ANKRD31: variants seen among roughly 807,000 people sequenced by gnomAD.
ANKRD31 encodes ankyrin repeat domain 31.
Under a neutral mutation model 186.0 loss-of-function variants are expected in ANKRD31, and 147 were observed. The observed-to-expected ratio is 0.79, with a 90% CI of 0.69 to 0.91. The LOEUF is 0.91. Ranked by LOEUF, ANKRD31 falls within the 40% of genes least tolerant of loss-of-function variation. The pLI is 0.00. For missense variants in ANKRD31, 1,986 were observed against 2,148.8 expected (o/e 0.92, Z 1.50); for synonymous variants, 673 against 736.4 (o/e 0.91, Z 1.39).
chr5:75,180,970 T>C (rs933596470), intron 10 of ANKRD31, among the ~76,000 whole-genome samples: 16 of 151,672 alleles, frequency 1.1e-4, no homozygotes, highest in Non-Finnish European at 1.8e-4. Context: ...AGAAAATTTT[T>C]GCAACCTACT....
Position 75,197,296 on chromosome 5 carries a change from T to G in ANKRD31, c.448-1096A>C, listed in dbSNP as rs568674157. 1.1e-4 allele frequency among the ~76,000 whole-genome samples: 17 copies of G among 152,352 alleles called. No individual in the cohort carries two copies. In the East Asian group the frequency reaches 3.1e-3, roughly 28 times the overall value. On this transcript the variant is annotated intron_variant, in intron 6 of 25. Coordinates refer to ENST00000506364, the MANE Select transcript of ANKRD31 (RefSeq NM_001372053.1). ...TAAGCCATTCAAGAAAATAATGTGC[T>G]TTAAAGGCACTGAAAAATTTTCAAA...
chr5:75,101,001 G>T (rs974826724), intron 22 of ANKRD31, among the ~76,000 whole-genome samples: 1 of 152,184 alleles, frequency 6.6e-6, no homozygotes, highest in Non-Finnish European at 1.5e-5. Flanking sequence ...GTTAGTTGAT[G>T]CAGTTTTTTC....
At chr5:75,104,157 T>A in intron 22 of ANKRD31, 71 bp downstream of exon 22, 2 of 1,287,476 alleles carry the variant, frequency 1.6e-6, no homozygotes, top group Non-Finnish European at 2.1e-6. Flanking sequence ...AATGTCTATA[T>A]TATGTGACAG....
chr5:75,189,527 CA>C (rs1016721552), intron 9 of ANKRD31, among the ~76,000 whole-genome samples: 5 of 152,180 alleles, frequency 3.3e-5, no homozygotes, highest in Admixed American at 2.6e-4. Flanking sequence ...CACTGTATAA[CA>C]AACCCAACTG....
intron 17 of ANKRD31, among the ~76,000 whole-genome samples, chr5:75,125,334 A>C (rs904068439): frequency 2.6e-5 from 4 of 152,176 alleles, no homozygotes; most frequent in Non-Finnish European, 5.9e-5. Context: ...TGAAGATTTT[A>C]TTTATCTGTT....
rs1361226119 is a variant in ANKRD31 at position 75,147,112 on chromosome 5, G to A, written c.2299C>T (p.Gln767Ter). ...RRINRLVTYQ[Q>*]HIPETHNDLP... ...TCATTATGAGTTTCTGGAATATGCTGCTGATAGGTAACCAATCTGTTTATT... is the reference window on the plus strand; with the variant it reads ...TCATTATGAGTTTCTGGAATATGCTACTGATAGGTAACCAATCTGTTTATT... Residue 767 changes from glutamine (Q) to a stop codon, truncating the protein, a stop_gained, in exon 14 of 26, where the codon CAG becomes TAG. Transcript: ENST00000506364. LOFTEE classifies it high-confidence loss of function. 6.5e-7 allele frequency: 1 copy of A among 1,536,334 alleles called. No homozygotes were observed. Among genetic ancestry groups the A allele is most frequent in the East Asian group, 2.4e-5 (1 of 40,880 alleles).
intron 3 of ANKRD31, among the ~76,000 whole-genome samples, chr5:75,212,082 G>A (rs1756685897): frequency 6.6e-6 from 1 of 152,044 alleles, no homozygotes; most frequent in Non-Finnish European, 1.5e-5. Context: ...CTTCTCCAAC[G>A]TTTTCTTCTA....
intron 5 of ANKRD31, among the ~76,000 whole-genome samples, chr5:75,201,570 C>T (rs1755824081): frequency 6.6e-6 from 1 of 152,152 alleles, no homozygotes; most frequent in African/African-American, 2.4e-5. Context: ...TAAGAAACAA[C>T]TCTTATAGAC....
chr5:75,160,122 G>T (rs964132076), intron 11 of ANKRD31, among the ~76,000 whole-genome samples: 1 of 151,788 alleles, frequency 6.6e-6, no homozygotes, highest in Non-Finnish European at 1.5e-5. Flanking sequence ...AGAGACCTAA[G>T]ACCATATAAA....
chr5:75,108,780 T>G (rs1747537507), intron 20 of ANKRD31, among the ~76,000 whole-genome samples: 1 of 152,104 alleles, frequency 6.6e-6, no homozygotes, highest in African/African-American at 2.4e-5. Context: ...AGGGGGAAAA[T>G]GTGTACAATC....
rs1348425333 is a variant in ANKRD31, at chr5:75,154,260, A to G, written c.1793T>C (p.Leu598Ser). Residue 598 changes from leucine to serine, a missense_variant, in exon 12 of 26, where the codon TTA becomes TCA. Leu to Ser is a moderately radical substitution (Grantham distance 145, BLOSUM62 -2). Coordinates refer to ENST00000506364, the MANE Select transcript of ANKRD31 (RefSeq NM_001372053.1). ...TCTCTCAAGGAGACGCTTCATACAT[A>G]AATCCTTGGCCTCATCCAAAGCACA... ...GKCALDEAKD[L>S]CMKRLLERYI... 6.5e-7 allele frequency: 1 copy of G among 1,535,196 alleles called. No homozygotes were observed. The highest frequency in any genetic ancestry group is 2.0e-5 in the Admixed American group (1 of 50,868).
intron 9 of ANKRD31, among the ~76,000 whole-genome samples, chr5:75,190,624 T>C (rs974051396): frequency 6.6e-6 from 1 of 151,976 alleles, no homozygotes; most frequent in African/African-American, 2.4e-5. Context: ...TGTGTGTGTG[T>C]GTATTTTTTT....
intron 17 of ANKRD31, among the ~76,000 whole-genome samples, chr5:75,125,899 GT>G (rs555825579): frequency 1.4e-3 from 217 of 152,104 alleles, no homozygotes; most frequent in Non-Finnish European, 2.7e-3. Context: ...CCTTTTACCT[GT>G]TTAAAAAAAA....
At chr5:75,076,524 C>T (rs1408750510) in intron 25 of ANKRD31, among the ~76,000 whole-genome samples, 1 of 152,198 alleles carries the variant, frequency 6.6e-6, no homozygotes, top group Non-Finnish European at 1.5e-5. Flanking sequence ...CTGATGTGTT[C>T]ACCAACCCAG....
chr5:75,195,854 G>A lies in ANKRD31; in HGVS notation c.794C>T (p.Pro265Leu). The change falls in exon 7 of 26, where the codon CCT (proline) becomes CTT (leucine). Residue 265 changes from proline to leucine, a missense_variant. By Grantham distance (98) the Pro-to-Leu change is moderately conservative (BLOSUM62 -3). Transcript: ENST00000506364. ...LSDSLSSISI[P>L]LNSWSACHRD... ...ATGACATGCCGACCAGGAATTCAAAGGTATTGATATGGAACTAAGAGAGTC... is the reference window on the plus strand; with the variant it reads ...ATGACATGCCGACCAGGAATTCAAAAGTATTGATATGGAACTAAGAGAGTC... 3.3e-6 allele frequency: 5 copies of A among 1,536,686 alleles called. No individual in the cohort carries two copies. Among genetic ancestry groups the A allele is most frequent in the Non-Finnish European group, 4.4e-6 (5 of 1,146,796 alleles).
chr5:75,192,807 A>G (rs1174818767), intron 8 of ANKRD31, 31 bp from the exon 9 acceptor site: 2 of 1,455,720 alleles, frequency 1.4e-6, no homozygotes, highest in Non-Finnish European at 1.8e-6. Flanking sequence ...TTAAATGGCT[A>G]TAACGGTTTT....
intron 10 of ANKRD31, among the ~76,000 whole-genome samples, chr5:75,177,718 G>C (rs1337961103): frequency 6.6e-6 from 1 of 152,194 alleles, no homozygotes; most frequent in East Asian, 1.9e-4. Flanking sequence ...TGCCCTAAAA[G>C]AGCTCCTGAA....
intron 17 of ANKRD31, among the ~76,000 whole-genome samples, chr5:75,129,811 G>A (rs1208667994): frequency 6.6e-6 from 1 of 152,218 alleles, no homozygotes; most frequent in African/African-American, 2.4e-5. Context: ...CCCACGGAGT[G>A]TGAGCCGAAG....
intron 11 of ANKRD31, among the ~76,000 whole-genome samples, chr5:75,157,406 T>C (rs141581986): frequency 1.1e-3 from 165 of 152,162 alleles, no homozygotes; most frequent in Non-Finnish European, 2.0e-3. Context: ...GGGATTATAG[T>C]AAAATGTGAG....
Sources: allele counts gnomAD v4.1 joint callset (sites outside exome capture counted in the v4.1 genomes callset), GRCh38; gene constraint gnomAD v4.1.1; transcripts MANE v1.5; gene names NCBI Gene and HGNC (gene_info 2026-07-23, HGNC 2026-07-21).